The following CPSF7 variants were observed in gnomAD, a reference collection of about 807,000 sequenced individuals.
The protein encoded by CPSF7 is cleavage and polyadenylation specificity factor subunit 7.
A neutral mutation model predicts 44.3 loss-of-function variants in CPSF7; 1 was observed. The observed-to-expected ratio is 0.02, with a 90% CI of 0.01 to 0.11. The LOEUF is 0.11. CPSF7 is among the 10% of genes least tolerant of loss of function. The probability of loss-of-function intolerance (pLI) is 1.00; values close to 1 mark genes in which losing one functional copy is unlikely to be tolerated. For missense variants in CPSF7, 443 were observed against 607.2 expected (o/e 0.73, Z 2.84); for synonymous variants, 202 against 222.0 (o/e 0.91, Z 0.80).
chr11:61,409,793 G>A (rs1451376840), intron 9 of CPSF7, among the ~76,000 whole-genome samples: 4 of 151,842 alleles, frequency 2.6e-5, no homozygotes, highest in Admixed American at 2.6e-4. Flanking sequence ...GGCCAGTATG[G>A]TAAAGCCCCG....
At chr11:61,411,975 G>C in intron 7 of CPSF7, 38 bp from the exon 8 acceptor site, 2 of 1,590,398 alleles carry the variant, frequency 1.3e-6, no homozygotes, top group Non-Finnish European at 1.7e-6. Flanking sequence ...AGGGTGAGGA[G>C]AGATGGTAAA....
chr11:61,415,732 T>C lies in CPSF7; in HGVS notation c.991A>G (p.Ile331Val). Residue 331 changes from isoleucine to valine, a missense_variant, in exon 7 of 10, where the codon ATC (isoleucine) becomes GTC (valine). By Grantham distance (29) the Ile-to-Val change is conservative. Transcript: ENST00000439958. ...GAAATTGCTCTGTTTCGCTTCATGA[T>C]ATCTTCAAATTCGGCTTCACTCACT... ...STVSEAEFED[I>V]MKRNRAISSS... The C allele has an allele frequency of 6.2e-7, 1 of 1,614,204 alleles. No individual in the cohort carries two copies. Among genetic ancestry groups the C allele is most frequent in the Non-Finnish European group, 8.5e-7 (1 of 1,180,004 alleles).
At chr11:61,426,618 T>C (rs974912398) in intron 2 of CPSF7, 25 of 152,232 alleles carry the variant, frequency 1.6e-4, no homozygotes, top group Admixed American at 3.9e-4. Flanking sequence ...CAATAACTTA[T>C]ACTCTAACAA....
At chr11:61,412,034 T>C in intron 7 of CPSF7, 97 bp from the exon 8 acceptor site, 1 of 1,084,436 alleles carries the variant, frequency 9.2e-7, no homozygotes, top group East Asian at 2.5e-5. Context: ...CAAGAGTAGC[T>C]AGCCGTCCCA....
intron 9 of CPSF7, 131 bp downstream of exon 9, chr11:61,410,807 C>T (rs1241581735): frequency 1.1e-6 from 1 of 929,494 alleles, no homozygotes; most frequent in Admixed American, 2.7e-5. Context: ...CCTGAAATTC[C>T]AGTTATGTAA....
At chr11:61,419,924 C>A in intron 5 of CPSF7, 25 bp downstream of exon 5, 1 of 1,612,856 alleles carries the variant, frequency 6.2e-7, no homozygotes, top group Non-Finnish European at 8.5e-7. Context: ...CCACGTACCC[C>A]CTCTTGGGAC....
chr11:61,417,318 C>T (rs1007281641), intron 5 of CPSF7, among the ~76,000 whole-genome samples: 3 of 152,208 alleles, frequency 2.0e-5, no homozygotes, highest in Non-Finnish European at 4.4e-5. Flanking sequence ...TCACCACATG[C>T]TAGTATGGTG....
At chr11:61,418,491 C>A (rs1248578118) in intron 5 of CPSF7, among the ~76,000 whole-genome samples, 4 of 152,134 alleles carry the variant, frequency 2.6e-5, no homozygotes, top group Non-Finnish European at 5.9e-5. Flanking sequence ...GAGACTGATT[C>A]ATAAACCATA....
At position 61,419,972 on chromosome 11, in the gene CPSF7, T is replaced by A; in HGVS notation, c.500A>T (p.Gln167Leu). Residue 167 changes from glutamine to leucine, a missense_variant, in exon 5 of 10, where the codon CAG becomes CTG. Gln to Leu is a moderately radical substitution (Grantham distance 113, BLOSUM62 -2). Coordinates refer to ENST00000439958, the MANE Select transcript of CPSF7 (RefSeq NM_001142565.3). Reference protein sequence around the residue: ...VRPATRQNLSQFEAQARKRIP... With the variant: ...VRPATRQNLSLFEAQARKRIP... ...ACGTTTCCGAGCCTGTGCCTCAAAC[T>A]GTGACAGGTTCTGCCGGGTGGCCGG... is the stretch of plus-strand genomic sequence containing the variant. 2 of 1,613,986 alleles carry A rather than the reference T, an allele frequency of 1.2e-6. No homozygotes were observed. The highest frequency in any genetic ancestry group is 1.7e-5 in the Admixed American group (1 of 60,008).
chr11:61,416,145 T>C lies in CPSF7; in HGVS notation c.898A>G (p.Thr300Ala). The C allele has an allele frequency of 6.6e-7, 1 of 1,509,684 alleles. No homozygotes were observed. Among genetic ancestry groups the C allele is most frequent in the Non-Finnish European group, 8.8e-7 (1 of 1,131,118 alleles). The allele number at this position is 1,509,684 out of a possible 1,614,324, so 93.5% of individuals were successfully genotyped here. A position where few individuals can be genotyped will look rare whatever the true frequency, so the allele number is the denominator to read the frequency against. ...PNATVGPPPD[T>A]YMKASAPYNH... The stretch of plus-strand genomic sequence containing the variant: ...TAGGGGGCAGAGGCCTTCATGTAAG[T>C]ATCTGGTGGAGGCCCCACTGTAGCG... Residue 300 changes from threonine (T) to alanine (A), a missense_variant, in exon 6 of 10, where the codon ACT becomes GCT. Thr to Ala is a moderately conservative substitution (Grantham distance 58, BLOSUM62 0). Coordinates refer to ENST00000439958, the MANE Select transcript of CPSF7 (RefSeq NM_001142565.3).
intron 2 of CPSF7, chr11:61,428,979 C>G (rs1162343150): frequency 2.4e-6 from 1 of 409,700 alleles, no homozygotes; most frequent in Non-Finnish European, 4.4e-6. Context: ...TAAATCAAAG[C>G]CTTTAAAATT....
chr11:61,428,969 T>G, intron 2 of CPSF7: 1 of 395,268 alleles, frequency 2.5e-6, no homozygotes, highest in Non-Finnish European at 4.6e-6. Flanking sequence ...TATTTGCTCT[T>G]AAATCAAAGC....
chr11:61,408,618 T>C (rs1386386007), intron 9 of CPSF7, among the ~76,000 whole-genome samples: 1 of 152,180 alleles, frequency 6.6e-6, no homozygotes, highest in Non-Finnish European at 1.5e-5. Context: ...TATGCTTATA[T>C]AATAGAAACA....
chr11:61,409,003 ACT>A (rs952945405), intron 9 of CPSF7, among the ~76,000 whole-genome samples: 1 of 151,322 alleles, frequency 6.6e-6, no homozygotes, highest in Non-Finnish European at 1.5e-5. Context: ...ACAAAGCAAG[ACT>A]CTACAAAAAA....
chr11:61,411,110 T>C lies in CPSF7; in HGVS notation c.1227-5A>G. 6.2e-7 allele frequency: 1 copy of C among 1,604,070 alleles called. No individual in the cohort carries two copies. Among genetic ancestry groups the C allele is most frequent in the Non-Finnish European group, 8.5e-7 (1 of 1,176,950 alleles). On this transcript the variant is annotated splice_polypyrimidine_tract_variant and splice_region_variant and intron_variant, in intron 8 of 9. Coordinates refer to ENST00000439958, the MANE Select transcript of CPSF7 (RefSeq NM_001142565.3). ...TCCCGGGAGCGATGTCTTTTCCTAT[T>C]AGAAAGATCCTTCAGCCTCACTCAG...
At chr11:61,410,811 T>C (rs1859781932) in intron 9 of CPSF7, 127 bp downstream of exon 9, 2 of 953,538 alleles carry the variant, frequency 2.1e-6, no homozygotes, top group Non-Finnish European at 3.0e-6. Flanking sequence ...AAATTCCAGT[T>C]ATGTAAATCA....
chr11:61,429,455 T>A, intron 1 of CPSF7, 165 bp from the exon 2 acceptor site: 3 of 474,936 alleles, frequency 6.3e-6, no homozygotes, highest in Non-Finnish European at 1.1e-5. Flanking sequence ...CCCACCGCTC[T>A]CCCAGGCCGC....
chr11:61,422,213 T>C (rs565112166), intron 2 of CPSF7, among the ~76,000 whole-genome samples: 2 of 151,910 alleles, frequency 1.3e-5, no homozygotes, highest in Non-Finnish European at 2.9e-5. Context: ...AAATAAAAAA[T>C]AAATAAAAGG....
intron 8 of CPSF7, 31 bp downstream of exon 8, chr11:61,411,738 C>A: frequency 6.3e-7 from 1 of 1,593,204 alleles, no homozygotes; most frequent in Non-Finnish European, 8.6e-7. Flanking sequence ...CTGCTTGGGG[C>A]TGGTAGGTGA....
Sources: gnomAD v4.1 joint callset for allele counts (sites outside exome capture counted in the v4.1 genomes callset) on GRCh38, gnomAD v4.1.1 for gene constraint, MANE v1.5 for transcripts, NCBI Gene and HGNC (gene_info 2026-07-23, HGNC 2026-07-21) for gene names.